The following CNTNAP2 variants were observed in gnomAD, a reference collection of about 807,000 sequenced individuals.
CNTNAP2 encodes contactin associated protein 2.
CNTNAP2 carries 98 observed loss-of-function variants against 155.2 expected under a neutral mutation model. The ratio of observed to expected loss-of-function variants is 0.63; its 90% CI spans 0.54 to 0.75. The LOEUF (loss-of-function observed/expected upper bound fraction) is 0.75, where lower values mean the gene tolerates loss of function less well. Ranked by LOEUF, CNTNAP2 falls within the 30% of genes least tolerant of loss-of-function variation. CNTNAP2 has a pLI of 0.00. For synonymous variants in CNTNAP2, 651 were observed against 631.2 expected (o/e 1.03, Z -0.47); for missense variants, 1,727 against 1,688.1 (o/e 1.02, Z -0.40).
intron 9 of CNTNAP2, among the ~76,000 whole-genome samples, chr7:147,306,418 C>T (rs1795027758): frequency 6.6e-6 from 1 of 152,100 alleles, no homozygotes; most frequent in Admixed American, 6.6e-5. Flanking sequence ...GGTCAAATTT[C>T]TGAATGTGAT....
At chr7:146,445,594 G>A (rs1796391292) in intron 1 of CNTNAP2, among the ~76,000 whole-genome samples, 1 of 151,964 alleles carries the variant, frequency 6.6e-6, no homozygotes, top group Non-Finnish European at 1.5e-5. Flanking sequence ...CTGAAGAGAG[G>A]GTGTGTGTGT....
At chr7:146,871,242 A>C (rs896643622) in intron 3 of CNTNAP2, among the ~76,000 whole-genome samples, 1 of 152,118 alleles carries the variant, frequency 6.6e-6, no homozygotes, top group Non-Finnish European at 1.5e-5. Flanking sequence ...GTCTCTTAAG[A>C]AATAAGAGCA....
intron 1 of CNTNAP2, among the ~76,000 whole-genome samples, chr7:146,223,680 C>A (rs1032458373): frequency 6.6e-6 from 1 of 152,138 alleles, no homozygotes; most frequent in Admixed American, 6.5e-5. Context: ...AGGACAAATA[C>A]CACTGTCAAG....
intron 1 of CNTNAP2, among the ~76,000 whole-genome samples, chr7:146,664,610 C>G (rs551257462): frequency 2.6e-5 from 4 of 152,200 alleles, no homozygotes; most frequent in Admixed American, 6.5e-5. Context: ...CTGTAGTTTT[C>G]TTTAACATAA....
chr7:148,162,593 A>G (rs1384632764), intron 17 of CNTNAP2, among the ~76,000 whole-genome samples: 2 of 152,246 alleles, frequency 1.3e-5, no homozygotes, highest in African/African-American at 4.8e-5. Flanking sequence ...GACAGCATCA[A>G]AAAAGTGTCT....
intron 1 of CNTNAP2, among the ~76,000 whole-genome samples, chr7:146,462,812 C>T (rs1796657594): frequency 6.6e-6 from 1 of 152,164 alleles, no homozygotes; most frequent in African/African-American, 2.4e-5. Context: ...TTGTGGATCA[C>T]ATGATTGATC....
At chr7:147,895,253 C>T (rs1020728327) in intron 13 of CNTNAP2, among the ~76,000 whole-genome samples, 6 of 151,932 alleles carry the variant, frequency 3.9e-5, no homozygotes, top group East Asian at 1.9e-4. Flanking sequence ...GGACTACAGG[C>T]GTGAGCCACC....
At chr7:146,217,189 G>T (rs1799128303) in intron 1 of CNTNAP2, among the ~76,000 whole-genome samples, 1 of 152,152 alleles carries the variant, frequency 6.6e-6, no homozygotes, top group Admixed American at 6.5e-5. Flanking sequence ...ATAGATAAGA[G>T]AGAGTTTAAA....
At position 148,413,402 on chromosome 7, in the gene CNTNAP2, ATATATATATATATATATATATAT is replaced by A. The variant is rs1292996075; in HGVS notation, c.3797-2014_3797-1992del. ...AGTGAAACTCCGTCTCAAAAAAAAA[ATATATATATATATATATATATAT>A]ATATATATATATATATATATATTGC... On this transcript the variant is annotated intron_variant, in intron 23 of 23. Transcript: ENST00000361727. 1.0e-4 allele frequency among the ~76,000 whole-genome samples: 4 copies of A among 39,484 alleles called. 1 individual carries two copies. The highest frequency in any genetic ancestry group is 1.2e-3 in the South Asian group (1 of 818). The allele number at this position is 39,484 out of a possible 152,430, so 25.9% of individuals were successfully genotyped here.
intron 12 of CNTNAP2, among the ~76,000 whole-genome samples, chr7:147,626,146 G>A (rs1392708414): frequency 6.6e-6 from 1 of 152,006 alleles, no homozygotes; most frequent in African/African-American, 2.4e-5. Flanking sequence ...TTTCAACTGG[G>A]CACAAATCTT....
intron 3 of CNTNAP2, among the ~76,000 whole-genome samples, chr7:146,942,140 C>T (rs1797069744): frequency 6.6e-6 from 1 of 152,072 alleles, no homozygotes; most frequent in South Asian, 2.1e-4. Context: ...CATATAGTTG[C>T]TTTTTTGATG....
intron 1 of CNTNAP2, among the ~76,000 whole-genome samples, chr7:146,666,331 CTGTT>C (rs1800194555): frequency 6.6e-6 from 1 of 152,120 alleles, no homozygotes; most frequent in African/African-American, 2.4e-5. Context: ...CAGAATTTCA[CTGTT>C]TGTTTATGGC....
At chr7:147,669,694 C>T (rs1325202567) in intron 13 of CNTNAP2, among the ~76,000 whole-genome samples, 7 of 152,192 alleles carry the variant, frequency 4.6e-5, no homozygotes, top group Non-Finnish European at 7.4e-5. Context: ...AGCCTCTCAT[C>T]TGCATGCTCA....
chr7:146,879,665 G>A (rs1337757460), intron 3 of CNTNAP2, among the ~76,000 whole-genome samples: 1 of 152,076 alleles, frequency 6.6e-6, no homozygotes, highest in Non-Finnish European at 1.5e-5. Flanking sequence ...ACCTGGCAGG[G>A]ACTGTGGAGC....
intron 2 of CNTNAP2, among the ~76,000 whole-genome samples, chr7:146,816,832 A>C (rs1455133672): frequency 6.6e-6 from 1 of 152,208 alleles, no homozygotes; most frequent in Non-Finnish European, 1.5e-5. Context: ...GTCTATGCTT[A>C]AGTTTCTTTA....
chr7:146,238,527 A>G (rs1038330739), intron 1 of CNTNAP2, among the ~76,000 whole-genome samples: 1 of 152,192 alleles, frequency 6.6e-6, no homozygotes, highest in Non-Finnish European at 1.5e-5. Flanking sequence ...AAGCTGTATA[A>G]TTATATGAAT....
rs377270094 is a variant in CNTNAP2, at chr7:147,301,427, G to A, written c.1498+1137G>A. Among the ~76,000 whole-genome samples the A allele has an allele frequency of 9.2e-4, 140 of 152,034 alleles. 1 individual carries two copies. Among genetic ancestry groups the A allele is most frequent in the African/African-American group, 3.3e-3 (136 of 41,468 alleles). ...TATTGTGTTTCCTGTCCTAAATCAC[G>A]CAATGTGAGATGTAAAAAATAAATC... On this transcript the variant is annotated intron_variant, in intron 9 of 23. Transcript: ENST00000361727.
chr7:147,079,189 C>A lies in CNTNAP2; in HGVS notation c.551-28958C>A, dbSNP rs981767029. Reference sequence around the variant, plus strand: ...CGCATTTTGACTGATTTAATCCTCACTAACTGTGCTACGAGGTAGATGTTA... The same window carrying A: ...CGCATTTTGACTGATTTAATCCTCAATAACTGTGCTACGAGGTAGATGTTA... On this transcript the variant is annotated intron_variant, in intron 4 of 23. Transcript: ENST00000361727. 1.4e-4 allele frequency among the ~76,000 whole-genome samples: 22 copies of A among 152,190 alleles called. 1 individual carries two copies. Among genetic ancestry groups the A allele is most frequent in the African/African-American group, 5.3e-4 (22 of 41,440 alleles).
At chr7:147,814,638 C>T (rs2116611831) in intron 13 of CNTNAP2, among the ~76,000 whole-genome samples, 1 of 152,196 alleles carries the variant, frequency 6.6e-6, no homozygotes, top group East Asian at 1.9e-4. Flanking sequence ...ACTTTTATTA[C>T]TTTTAGTATA....
Sources: gnomAD v4.1 joint callset for allele counts (sites outside exome capture counted in the v4.1 genomes callset) on GRCh38, gnomAD v4.1.1 for gene constraint, MANE v1.5 for transcripts, NCBI Gene and HGNC (gene_info 2026-07-23, HGNC 2026-07-21) for gene names.